CYTH4: variants seen among roughly 807,000 people sequenced by gnomAD.
The protein encoded by CYTH4 is cytohesin 4, also known as cytohesin-4.
A neutral mutation model predicts 57.5 loss-of-function variants in CYTH4; 22 were observed. The observed-to-expected ratio is 0.38, with a 90% CI of 0.27 to 0.55. The LOEUF (loss-of-function observed/expected upper bound fraction) is 0.55, where lower values mean the gene tolerates loss of function less well. Among genes scored for constraint, CYTH4 ranks in the 20% least tolerant of loss-of-function variants. CYTH4 has a pLI of 0.74. For synonymous variants in CYTH4, 186 were observed against 206.5 expected (o/e 0.90, Z 0.85); for missense variants, 420 against 535.6 (o/e 0.78, Z 2.13).
At chr22:37,287,259 G>T (rs1928592528) in intron 1 of CYTH4, among the ~76,000 whole-genome samples, 1 of 152,030 alleles carries the variant, frequency 6.6e-6, no homozygotes, top group Non-Finnish European at 1.5e-5. Flanking sequence ...AGCCCCATGG[G>T]GACCAGGAAG....
chr22:37,284,266 T>C (rs1239188135), intron 1 of CYTH4, among the ~76,000 whole-genome samples: 1 of 152,184 alleles, frequency 6.6e-6, no homozygotes, highest in East Asian at 1.9e-4. Context: ...CAGTGTGCTA[T>C]GCAGTGCTGG....
intron 2 of CYTH4, among the ~76,000 whole-genome samples, chr22:37,293,385 C>G (rs1375366909): frequency 7.3e-6 from 1 of 137,310 alleles, no homozygotes; most frequent in East Asian, 2.1e-4. Context: ...TCCAATTACC[C>G]TATGACCACC....
At chr22:37,297,741 T>C (rs1356967569) in intron 5 of CYTH4, 59 bp downstream of exon 5, 35 of 1,405,406 alleles carry the variant, frequency 2.5e-5, no homozygotes, top group Non-Finnish European at 3.2e-5. Context: ...TGTGTACAGG[T>C]GTGTGGATGT....
rs1929627373 is a variant in CYTH4 at position 37,311,186 on chromosome 22, TC to T, written c.885+124del. Reference sequence around the variant, plus strand: ...ATCCTTTGAGATCATTCAGTCCCCCTCCATGCCCATTTTACAGATGGGGAAA... The same window carrying T: ...ATCCTTTGAGATCATTCAGTCCCCCTCATGCCCATTTTACAGATGGGGAAA... On this transcript the variant is annotated intron_variant, in intron 10 of 12. Coordinates refer to ENST00000248901, the MANE Select transcript of CYTH4 (RefSeq NM_013385.5). This position sits in a 1 kb window ranked among gnomAD's most constrained non-coding sequence, Gnocchi z 4.4. 1.2e-5 allele frequency: 14 copies of T among 1,141,048 alleles called. No homozygotes were observed. Among genetic ancestry groups the T allele is most frequent in the Non-Finnish European group, 1.8e-5 (14 of 772,478 alleles). The allele number at this position is 1,141,048 out of a possible 1,614,324, so 70.7% of individuals were successfully genotyped here.
chr22:37,314,389 G>T lies in CYTH4; in HGVS notation c.*878G>T, dbSNP rs1929777392. On this transcript the variant is annotated 3_prime_UTR_variant, in exon 13 of 13. Coordinates refer to ENST00000248901, the MANE Select transcript of CYTH4 (RefSeq NM_013385.5). Reference sequence around the variant, plus strand: ...CAAGAAAATGACGGAGAACATCCCAGACAGATGGGACTCAAGCAGGATGGG... The same window carrying T: ...CAAGAAAATGACGGAGAACATCCCATACAGATGGGACTCAAGCAGGATGGG... 2 of 398,658 alleles carry T rather than the reference G, an allele frequency of 5.0e-6. No homozygotes were observed. 24.7% of individuals were successfully genotyped at this position (398,658 alleles called of 1,614,324 possible).
Position 37,295,901 on chromosome 22 carries a change from G to GC in CYTH4, c.168-98_168-97insC. The GC allele has an allele frequency of 7.7e-7, 1 of 1,300,294 alleles. No individual in the cohort carries two copies. The highest frequency in any genetic ancestry group is 1.3e-5 in the South Asian group (1 of 79,188). The allele number at this position is 1,300,294 out of a possible 1,614,324, so 80.5% of individuals were successfully genotyped here. On this transcript the variant is annotated intron_variant, in intron 3 of 12. Transcript: ENST00000248901. This position sits in a 1 kb window ranked among gnomAD's most constrained non-coding sequence, Gnocchi z 4.1. Reference sequence around the variant, plus strand: ...CGGAGGCCACACTTGGAGGGCCCTAGAGGGGTATGGGCTCCTGCTGAGGCA... The same window carrying GC: ...CGGAGGCCACACTTGGAGGGCCCTAGCAGGGGTATGGGCTCCTGCTGAGGCA...
chr22:37,302,442 C>A (rs577983720), intron 7 of CYTH4, among the ~76,000 whole-genome samples: 23 of 152,306 alleles, frequency 1.5e-4, no homozygotes, highest in African/African-American at 5.1e-4. Flanking sequence ...GATAACAAGA[C>A]CTGCCTCATA....
chr22:37,297,621 C>A lies in CYTH4; in HGVS notation c.292C>A (p.Arg98=), dbSNP rs764138172. The part of the protein sequence containing the change: ...LLTPDVQDIA[R]FLYKGEGLNK... ...GACCCCTGACGTCCAGGACATTGCA[C>A]GGTTCCTGTATAAAGGCGAGGGCCT... Residue 98 remains arginine (R), a synonymous_variant, in exon 5 of 13, where the codon CGG becomes AGG. Transcript: ENST00000248901. 1 of 1,613,952 alleles carries A rather than the reference C, an allele frequency of 6.2e-7. No homozygotes were observed. The highest frequency in any genetic ancestry group is 1.1e-5 in the South Asian group (1 of 91,082).
At position 37,282,608 on chromosome 22, in the gene CYTH4, C is replaced by A; in HGVS notation, c.19+20C>A. 1.2e-6 allele frequency: 2 copies of A among 1,600,086 alleles called. No homozygotes were observed. The highest frequency in any genetic ancestry group is 1.1e-5 in the South Asian group (1 of 89,546). The stretch of plus-strand genomic sequence containing the variant: ...ACCCAGGTAAGCAACTGCCGTCAAC[C>A]TCTCTGGGCCTCAGGGTGCTCTCTT... On this transcript the variant is annotated intron_variant, in intron 1 of 12. Coordinates refer to ENST00000248901, the MANE Select transcript of CYTH4 (RefSeq NM_013385.5).
chr22:37,309,203 T>C lies in CYTH4; in HGVS notation c.697-9T>C, dbSNP rs781495692. ...CAGCCAGGTCTTTCTCTCCCTTGTC[T>C]TGGGGCAGAACCTCTTCGACAGCAT... On this transcript the variant is annotated splice_polypyrimidine_tract_variant and intron_variant, in intron 8 of 12. Transcript: ENST00000248901. 6.8e-6 allele frequency: 11 copies of C among 1,613,604 alleles called. No individual in the cohort carries two copies. The South Asian group carries it at 1.2e-4, about 18-fold the overall frequency.
rs142790651 is a variant in CYTH4, at chr22:37,287,415, C to T, written c.19+4827C>T. On this transcript the variant is annotated intron_variant, in intron 1 of 12. Coordinates refer to ENST00000248901, the MANE Select transcript of CYTH4 (RefSeq NM_013385.5). ...TCCACTCAGCCTCCTCCAGCAGGTG[C>T]GCCCTGGGCAGAAACACAACCCCAA... Among the ~76,000 whole-genome samples, 425 of 152,310 alleles carry T rather than the reference C, an allele frequency of 2.8e-3. 2 individuals carry two copies. Among genetic ancestry groups the T allele is most frequent in the East Asian group, 0.016 (85 of 5,186 alleles).
At chr22:37,310,072 C>T (rs1929584680) in intron 9 of CYTH4, 1 of 459,230 alleles carries the variant, frequency 2.2e-6, no homozygotes, top group African/African-American at 2.0e-5. Context: ...GGGTCTCAAC[C>T]TGGCTCACCT....
chr22:37,294,865 C>T (rs1928895011), intron 3 of CYTH4, 141 bp downstream of exon 3: 6 of 1,014,002 alleles, frequency 5.9e-6, no homozygotes, highest in East Asian at 5.0e-5. Flanking sequence ...GAGGCAGCAA[C>T]GAGACCGGAA....
At chr22:37,309,563 G>A (rs569458742) in intron 9 of CYTH4, among the ~76,000 whole-genome samples, 3 of 152,270 alleles carry the variant, frequency 2.0e-5, no homozygotes, top group Admixed American at 6.5e-5. Context: ...GCTGTAAGCC[G>A]GGCGAGAGGC....
chr22:37,303,897 C>G (rs548103143), intron 8 of CYTH4, among the ~76,000 whole-genome samples: 1 of 152,228 alleles, frequency 6.6e-6, no homozygotes, highest in Admixed American at 6.5e-5. Flanking sequence ...AAATAGCCTG[C>G]ACCCCTGCCA....
In CYTH4 at chr22:37,282,566, C is replaced by T. The variant is rs550018788; in HGVS notation, c.-4C>T. On this transcript the variant is annotated 5_prime_UTR_variant, in exon 1 of 13. Transcript: ENST00000248901. Reference sequence around the variant, plus strand: ...CGGGTCATCTTTTCCCCAGAGGCGTCGGAATGGACCTGTGCCACCCAGGTA... The same window carrying T: ...CGGGTCATCTTTTCCCCAGAGGCGTTGGAATGGACCTGTGCCACCCAGGTA... The T allele has an allele frequency of 2.9e-5, 47 of 1,613,666 alleles. 1 individual carries two copies. The highest frequency in any genetic ancestry group is 2.2e-4 in the South Asian group (20 of 91,006).
At chr22:37,292,447 G>T (rs955138174) in intron 1 of CYTH4, 174 bp from the exon 2 acceptor site, 6 of 600,656 alleles carry the variant, frequency 1.0e-5, no homozygotes, top group Non-Finnish European at 1.8e-5. Context: ...GGCAGGAGAG[G>T]AGGGAGCAGG....
Position 37,300,397 on chromosome 22 carries a change from G to A in CYTH4, c.435-510G>A. ...GACTGTGTGAAGCCCAGGAGGAGAA[G>A]TGAGAGATACAGGCCCAGTTCTCAC... On this transcript the variant is annotated intron_variant, in intron 6 of 12. Transcript: ENST00000248901. The A allele has an allele frequency of 5.0e-6, 3 of 603,506 alleles. No homozygotes were observed. In the South Asian group the frequency reaches 5.7e-5, roughly 12 times the overall value. The allele number at this position is 603,506 out of a possible 1,614,324, so 37.4% of individuals were successfully genotyped here. A position where few individuals can be genotyped will look rare whatever the true frequency, so the allele number is the denominator to read the frequency against.
At chr22:37,306,232 G>C (rs752316212) in intron 8 of CYTH4, among the ~76,000 whole-genome samples, 1 of 152,022 alleles carries the variant, frequency 6.6e-6, no homozygotes, top group Non-Finnish European at 1.5e-5. Flanking sequence ...AGGGGACAAA[G>C]AACTCCACTC....
Sources: gnomAD v4.1 joint callset for allele counts (sites outside exome capture counted in the v4.1 genomes callset) on GRCh38, gnomAD v4.1.1 for gene constraint, Gnocchi (gnomAD v3.1) non-coding constraint, MANE v1.5 for transcripts, NCBI Gene and HGNC (gene_info 2026-07-23, HGNC 2026-07-21) for gene names.